Variants in PIF1 observed in about 807,000 individuals in gnomAD.
The protein encoded by PIF1 is PIF1 5'-to-3' DNA helicase.
A neutral mutation model predicts 62.3 loss-of-function variants in PIF1; 67 were observed. The ratio of observed to expected loss-of-function variants is 1.08; its 90% CI spans 0.88 to 1.32. PIF1 has a LOEUF of 1.32. PIF1 is among the 40% of genes most tolerant of loss of function. The pLI is 0.00. For missense variants in PIF1, 886 were observed against 866.1 expected, an observed-to-expected ratio of 1.02 and a Z score of -0.29; for synonymous variants, 364 against 379.5, an observed-to-expected ratio of 0.96 and a Z score of 0.47.
chr15:64,818,827 TG>T, intron 9 of PIF1: 1 of 359,916 alleles, frequency 2.8e-6, no homozygotes, highest in Non-Finnish European at 5.0e-6. Context: ...GACAGCTGTG[TG>T]GGGTAGGTAT....
Position 64,823,895 on chromosome 15 carries a change from G to A in PIF1, c.441C>T (p.Phe147=). ...CGGGCTGCACAGGGCTGATGGTGAC[G>A]AAGTCGCGGGGCCGCGGGCCCAGCA... is the stretch of plus-strand genomic sequence containing the variant. ...AQLLGPRPRD[F]VTISPVQPEE... Residue 147 remains phenylalanine, a synonymous_variant, in exon 2 of 13, where the codon TTC becomes TTT. Coordinates refer to ENST00000559239, the MANE Select transcript of PIF1 (RefSeq NM_001286496.2). The A allele has an allele frequency of 9.4e-6, 13 of 1,379,158 alleles. No individual in the cohort carries two copies. The highest frequency in any genetic ancestry group is 2.8e-5 in the East Asian group (1 of 35,662). 85.4% of individuals were successfully genotyped at this position (1,379,158 alleles called of 1,614,324 possible).
chr15:64,821,565 CTTTTTTTTTTTTTTTT>C, intron 4 of PIF1, 45 bp from the exon 5 acceptor site: 2 of 1,248,336 alleles, frequency 1.6e-6, no homozygotes, highest in Admixed American at 7.7e-5. Flanking sequence ...CAAAGCCTCT[CTTTTTTTTTTTTTTTT>C]TTTTTTTTGA....
At chr15:64,825,070 C>G (rs1380597784) in intron 1 of PIF1, among the ~76,000 whole-genome samples, 4 of 151,650 alleles carry the variant, frequency 2.6e-5, no homozygotes. Flanking sequence ...CGGATGGGCA[C>G]CGAGGATTAG....
upstream of PIF1, among the ~76,000 whole-genome samples, chr15:64,826,637 T>C (rs532983223): frequency 8.3e-4 from 20 of 23,962 alleles, 1 homozygote; most frequent in South Asian, 0.019. Context: ...TATATATATA[T>C]ATATATATAT....
chr15:64,823,950 C>A lies in PIF1; in HGVS notation c.386G>T (p.Gly129Val). Residue 129 changes from glycine (G) to valine (V), a missense_variant, in exon 2 of 13, where the codon GGT (glycine) becomes GTT (valine). By Grantham distance (109) the Gly-to-Val change is moderately radical (BLOSUM62 -3). Transcript: ENST00000559239. Reference protein sequence around the residue: ...TLRLKLAAAPGPGPASARAQL... With the variant: ...TLRLKLAAAPVPGPASARAQL... The stretch of plus-strand genomic sequence containing the variant: ...CGCTCGGGCGGAGGCCGGCCCGGGA[C>A]CCGGGGCCGCAGCCAGCTTGAGGCG... 2 of 1,307,172 alleles carry A rather than the reference C, an allele frequency of 1.5e-6. No individual in the cohort carries two copies. The highest frequency in any genetic ancestry group is 2.0e-6 in the Non-Finnish European group (2 of 1,025,236). 81.0% of individuals were successfully genotyped at this position (1,307,172 alleles called of 1,614,324 possible). A position where few individuals can be genotyped will look rare whatever the true frequency, so the allele number is the denominator to read the frequency against.
intron 11 of PIF1, among the ~76,000 whole-genome samples, chr15:64,817,152 T>C (rs11634670): frequency 6.6e-6 from 1 of 151,926 alleles, no homozygotes; most frequent in East Asian, 1.9e-4. Context: ...TATACAATTT[T>C]ACGTATCTAG....
At position 64,818,272 on chromosome 15, in the gene PIF1, C is replaced by G. The variant is rs141566933; in HGVS notation, c.1513G>C (p.Glu505Gln). The G allele has an allele frequency of 1.1e-5, 18 of 1,614,166 alleles. No individual in the cohort carries two copies. The highest frequency in any genetic ancestry group is 1.5e-5 in the Non-Finnish European group (18 of 1,180,030). Residue 505 changes from glutamate (E) to glutamine (Q), a missense_variant, in exon 10 of 13, where the codon GAG becomes CAG. By Grantham distance (29) the Glu-to-Gln change is conservative. Transcript: ENST00000559239. ...NGARGVVVGF[E>Q]AEGRGLPQVR... ...CAACACTTACCTCTCCCTTCTGCCT[C>G]GAACCCAACTACCACCCCTCGGGCA... is the stretch of plus-strand genomic sequence containing the variant.
At position 64,816,370 on chromosome 15, in the gene PIF1, C is replaced by T; in HGVS notation, c.1867-13G>A. On this transcript the variant is annotated splice_polypyrimidine_tract_variant and intron_variant, in intron 12 of 12. Transcript: ENST00000559239. ...CATCTGGGGACTCCTGGATCAGAGC[C>T]AGAGAAGCCCAGTCATGGGTTTGTG... is the stretch of plus-strand genomic sequence containing the variant. 2 of 1,613,908 alleles carry T rather than the reference C, an allele frequency of 1.2e-6. No homozygotes were observed. Among genetic ancestry groups the T allele is most frequent in the Non-Finnish European group, 1.7e-6 (2 of 1,180,010 alleles).
chr15:64,825,467 G>T (rs1014273053), intron 1 of PIF1, 102 bp downstream of exon 1: 1 of 152,046 alleles, frequency 6.6e-6, no homozygotes, highest in African/African-American at 2.4e-5. Context: ...GGAAATCGCG[G>T]GGGACCCTGG....
At chr15:64,826,191 T>G (rs1333682921), upstream of PIF1, among the ~76,000 whole-genome samples, 5 of 146,234 alleles carry the variant, frequency 3.4e-5, no homozygotes, top group Non-Finnish European at 6.0e-5. Flanking sequence ...CTGAGGCCCA[T>G]GAGTGAGAAA....
chr15:64,819,195 G>A lies in PIF1; in HGVS notation c.1362C>T (p.Asp454=), dbSNP rs370043118. 7 of 1,604,912 alleles carry A rather than the reference G, an allele frequency of 4.4e-6. No individual in the cohort carries two copies. The highest frequency in any genetic ancestry group is 2.7e-5 in the African/African-American group (2 of 74,260). The change falls in exon 9 of 13, where the codon GAC becomes GAT. Residue 454 remains aspartate (D), a synonymous_variant. Transcript: ENST00000559239. ...GGGTACTGGCCAGCTCAGGGTTGCT[G>A]TCCATAGCCTCAAATCTGTGTACCT... is the stretch of plus-strand genomic sequence containing the variant. The part of the protein sequence containing the change: ...PGKVHRFEAM[D]SNPELASTLD...
At chr15:64,823,609 T>C (rs1230979819) in intron 2 of PIF1, 169 bp downstream of exon 2, 4 of 441,712 alleles carry the variant, frequency 9.1e-6, no homozygotes, top group African/African-American at 2.0e-5. Context: ...TCTCAGGGAT[T>C]ACACTATAAC....
At chr15:64,821,315 C>T in intron 5 of PIF1, 34 bp from the exon 6 acceptor site, 1 of 1,614,094 alleles carries the variant, frequency 6.2e-7, no homozygotes, top group Non-Finnish European at 8.5e-7. Context: ...TAGGGGCACA[C>T]AGAAGACCAC....
chr15:64,815,887 C>G lies in PIF1; in HGVS notation c.*411G>C. On this transcript the variant is annotated 3_prime_UTR_variant, in exon 13 of 13. Transcript: ENST00000559239. ...ACCCAGCCTGAGTCCCCACCAGTCC[C>G]CTCCAAGAGCCCTGATGCTGCTTCC... The G allele has an allele frequency of 6.4e-7, 1 of 1,550,644 alleles. No individual in the cohort carries two copies. The highest frequency in any genetic ancestry group is 8.7e-7 in the Non-Finnish European group (1 of 1,146,994).
At position 64,822,342 on chromosome 15, in the gene PIF1, G is replaced by A. The variant is rs759412115; in HGVS notation, c.741C>T (p.Pro247=). Residue 247 remains proline (P), a synonymous_variant, in exon 4 of 13, where the codon CCC becomes CCT. Coordinates refer to ENST00000559239, the MANE Select transcript of PIF1 (RefSeq NM_001286496.2). ...TGCTGGCAGTGGCCACAGTGCCTGT[G>A]GGGGGCAGTGAGCCCAGGATTCGCT... ...LLKRILGSLP[P]TGTVATASTG... 9 of 1,613,810 alleles carry A rather than the reference G, an allele frequency of 5.6e-6. No homozygotes were observed. Among genetic ancestry groups the A allele is most frequent in the African/African-American group, 1.3e-5 (1 of 74,890 alleles).
In PIF1 at chr15:64,824,204, G is replaced by A; in HGVS notation, c.132C>T (p.Ser44=). The change falls in exon 2 of 13, where the codon AGC becomes AGT. Residue 44 remains serine, a synonymous_variant. Coordinates refer to ENST00000559239, the MANE Select transcript of PIF1 (RefSeq NM_001286496.2). The part of the protein sequence containing the change: ...RRQALRTAEL[S]LGRNERRELM... ...ACTCGCGGCGCTCGTTGCGACCCAGGCTCAGCTCCGCGGTGCGCAGGGCCT... is the reference window on the plus strand; with the variant it reads ...ACTCGCGGCGCTCGTTGCGACCCAGACTCAGCTCCGCGGTGCGCAGGGCCT... The A allele has an allele frequency of 7.4e-7, 1 of 1,356,042 alleles. No homozygotes were observed. Among genetic ancestry groups the A allele is most frequent in the Non-Finnish European group, 9.5e-7 (1 of 1,048,368 alleles). The allele number at this position is 1,356,042 out of a possible 1,614,324, so 84.0% of individuals were successfully genotyped here. A position where few individuals can be genotyped will look rare whatever the true frequency, so the allele number is the denominator to read the frequency against.
At chr15:64,822,651 C>T (rs1465947573) in intron 2 of PIF1, 41 bp from the exon 3 acceptor site, 1 of 1,610,444 alleles carries the variant, frequency 6.2e-7, no homozygotes, top group African/African-American at 1.3e-5. Context: ...CTCCCACCCG[C>T]TAGGCATTGC....
intron 11 of PIF1, 66 bp downstream of exon 11, chr15:64,817,880 C>G (rs1180381504): frequency 2.0e-6 from 3 of 1,527,128 alleles, no homozygotes; most frequent in Non-Finnish European, 1.8e-6. Flanking sequence ...AAAAAAGACA[C>G]ATAGACTGCA....
chr15:64,818,298 C>G lies in PIF1; in HGVS notation c.1487G>C (p.Gly496Ala). ...NLSVSRGLVN[G>A]ARGVVVGFEA... The stretch of plus-strand genomic sequence containing the variant: ...GAACCCAACTACCACCCCTCGGGCA[C>G]CATTCACCAGGCCCCGAGACACCGA... Residue 496 changes from glycine (G) to alanine (A), a missense_variant, in exon 10 of 13, where the codon GGT (glycine) becomes GCT (alanine). By Grantham distance (60) the Gly-to-Ala change is moderately conservative. Coordinates refer to ENST00000559239, the MANE Select transcript of PIF1 (RefSeq NM_001286496.2). The G allele has an allele frequency of 1.9e-6, 3 of 1,614,080 alleles. No homozygotes were observed. Among genetic ancestry groups the G allele is most frequent in the Non-Finnish European group, 2.5e-6 (3 of 1,180,002 alleles).
Sources: gnomAD v4.1 joint callset for allele counts (sites outside exome capture counted in the v4.1 genomes callset) on GRCh38, gnomAD v4.1.1 for gene constraint, MANE v1.5 for transcripts, NCBI Gene and HGNC (gene_info 2026-07-23, HGNC 2026-07-21) for gene names.